Variants in CDK19 observed in about 807,000 individuals in gnomAD.
CDK19 encodes the protein cyclin dependent kinase 19.
In CDK19, 20 loss-of-function variants were observed where a neutral mutation model predicts 68.3. That is an observed-to-expected ratio of 0.29 (90% CI 0.21 to 0.43). The LOEUF (loss-of-function observed/expected upper bound fraction) is 0.43. CDK19 is among the 20% of genes least tolerant of loss of function. The pLI is 1.00. For missense variants in CDK19, 339 were observed against 623.5 expected (o/e 0.54, Z 4.86); for synonymous variants, 221 against 222.8 (o/e 0.99, Z 0.07).
intron 1 of CDK19, among the ~76,000 whole-genome samples, chr6:110,770,402 G>A (rs757153710): frequency 6.6e-6 from 1 of 152,134 alleles, no homozygotes; most frequent in Non-Finnish European, 1.5e-5. Context: ...AAAATGAGAA[G>A]GATGCAAAAG....
chr6:110,701,389 A>C (rs1365613057), intron 2 of CDK19, among the ~76,000 whole-genome samples: 1 of 148,616 alleles, frequency 6.7e-6, no homozygotes, highest in Non-Finnish European at 1.5e-5. Flanking sequence ...AAAAATACAA[A>C]AAAAAAAAAA....
intron 2 of CDK19, among the ~76,000 whole-genome samples, chr6:110,697,203 C>T (rs1483691584): frequency 6.6e-6 from 1 of 151,572 alleles, no homozygotes; most frequent in Non-Finnish European, 1.5e-5. Context: ...GCACTCCAGC[C>T]CGGGCAACAA....
At chr6:110,709,055 A>G (rs1213244950) in intron 2 of CDK19, among the ~76,000 whole-genome samples, 1 of 152,220 alleles carries the variant, frequency 6.6e-6, no homozygotes, top group Non-Finnish European at 1.5e-5. Context: ...AATCTATCAC[A>G]TAAACAGAAC....
At chr6:110,637,535 G>A (rs1779857964) in intron 5 of CDK19, among the ~76,000 whole-genome samples, 1 of 152,186 alleles carries the variant, frequency 6.6e-6, no homozygotes, top group African/African-American at 2.4e-5. Flanking sequence ...TTGAAATAGG[G>A]CAGCATGAAT....
Position 110,641,646 on chromosome 6 carries a change from A to AAGAAAGGAAGGAAGG in CDK19, c.457-2941_457-2940insCCTTCCTTCCTTTCT, listed in dbSNP as rs1780186278. On this transcript the variant is annotated intron_variant, in intron 4 of 12. Transcript: ENST00000368911. ...GGAGAGGAAAGGAGGAAAGGGAAAG[A>AAGAAAGGAAGGAAGG]AAGGAAGGAAGGAAGGAAGGAAGGA... Among the ~76,000 whole-genome samples, 93 of 131,460 alleles carry AAGAAAGGAAGGAAGG rather than the reference A, an allele frequency of 7.1e-4. 1 individual carries two copies. The highest frequency in any genetic ancestry group is 2.7e-3 in the African/African-American group (90 of 33,252). The allele number at this position is 131,460 out of a possible 152,430, so 86.2% of individuals were successfully genotyped here.
intron 1 of CDK19, among the ~76,000 whole-genome samples, chr6:110,787,365 CTCTG>C (rs1260087905): frequency 7.0e-6 from 1 of 142,458 alleles, no homozygotes. Flanking sequence ...CAGAGCAAGG[CTCTG>C]TCTAAAACAA....
intron 2 of CDK19, 175 bp from the exon 3 acceptor site, chr6:110,670,716 C>G (rs926747998): frequency 3.0e-6 from 2 of 656,096 alleles, no homozygotes; most frequent in Non-Finnish European, 5.5e-6. Context: ...CTGTCAATAT[C>G]TTGGTGCATA....
chr6:110,761,721 T>A (rs1396089237), intron 1 of CDK19, among the ~76,000 whole-genome samples: 2 of 152,160 alleles, frequency 1.3e-5, no homozygotes, highest in Non-Finnish European at 2.9e-5. Flanking sequence ...TGTTTTTCAT[T>A]TAAATTTCAC....
intron 4 of CDK19, among the ~76,000 whole-genome samples, chr6:110,640,232 A>C (rs1780054719): frequency 3.3e-5 from 1 of 29,976 alleles, no homozygotes; most frequent in African/African-American, 2.6e-4. Context: ...ACCCTGTCAC[A>C]AAAAAAAAAA....
chr6:110,808,066 A>G (rs1484564508), intron 1 of CDK19, among the ~76,000 whole-genome samples: 2 of 152,156 alleles, frequency 1.3e-5, no homozygotes, highest in African/African-American at 4.8e-5. Context: ...AAAAGACATA[A>G]CAGTTTTCCT....
intron 8 of CDK19, among the ~76,000 whole-genome samples, chr6:110,626,074 C>G (rs936477719): frequency 6.6e-6 from 1 of 152,164 alleles, no homozygotes; most frequent in African/African-American, 2.4e-5. Context: ...TCCAGGTTTC[C>G]TAGTCCAGCA....
chr6:110,777,508 C>T lies in CDK19; in HGVS notation c.129-31307G>A, dbSNP rs547253958. Among the ~76,000 whole-genome samples the T allele has an allele frequency of 2.0e-5, 3 of 152,100 alleles. No individual in the cohort carries two copies. The East Asian group carries it at 5.8e-4, about 29-fold the overall frequency. ...ATAAAATAAGAAGGGTTGGTGAGGACGTAGAAAAACTGGAATCCTTGTGTA... is the reference window on the plus strand; with the variant it reads ...ATAAAATAAGAAGGGTTGGTGAGGATGTAGAAAAACTGGAATCCTTGTGTA... On this transcript the variant is annotated intron_variant, in intron 1 of 12. Coordinates refer to ENST00000368911, the MANE Select transcript of CDK19 (RefSeq NM_015076.5).
intron 4 of CDK19, chr6:110,646,040 C>T (rs2114823627): frequency 1.1e-6 from 1 of 918,588 alleles, no homozygotes; most frequent in East Asian, 2.6e-5. Context: ...GTGCCATCTA[C>T]GAAGCTATCC....
At chr6:110,666,629 A>G (rs561235498) in intron 4 of CDK19, among the ~76,000 whole-genome samples, 2 of 152,150 alleles carry the variant, frequency 1.3e-5, no homozygotes, top group East Asian at 3.9e-4. Flanking sequence ...ACTGCTCATC[A>G]GTTAATAAAA....
chr6:110,709,670 T>C (rs1192532535), intron 2 of CDK19, among the ~76,000 whole-genome samples: 1 of 152,164 alleles, frequency 6.6e-6, no homozygotes, highest in Non-Finnish European at 1.5e-5. Flanking sequence ...AAAAATGTAT[T>C]TTCCATTTAC....
chr6:110,646,227 G>T, intron 4 of CDK19: 4 of 1,466,838 alleles, frequency 2.7e-6, no homozygotes, highest in Middle Eastern at 2.2e-4. Context: ...CGACGCGCAG[G>T]AGCTGCTGGC....
At chr6:110,796,291 T>C (rs1036385107) in intron 1 of CDK19, among the ~76,000 whole-genome samples, 306 of 152,032 alleles carry the variant, frequency 2.0e-3, no homozygotes, top group African/African-American at 7.1e-3. Context: ...GAGCCAAGAT[T>C]GTGCCACTGC....
At chr6:110,814,915 G>A (rs756483736) in intron 1 of CDK19, 94 bp downstream of exon 1, 26 of 1,545,978 alleles carry the variant, frequency 1.7e-5, no homozygotes, top group South Asian at 5.7e-5. Flanking sequence ...CGCCCCTCGG[G>A]CACGGCCCGA....
chr6:110,795,754 AACTT>A (rs895505352), intron 1 of CDK19, among the ~76,000 whole-genome samples: 3 of 152,180 alleles, frequency 2.0e-5, no homozygotes, highest in African/African-American at 2.4e-5. Flanking sequence ...TATTAGGAAA[AACTT>A]AAATGTTCAA....
Sources: allele counts gnomAD v4.1 joint callset (sites outside exome capture counted in the v4.1 genomes callset), GRCh38; gene constraint gnomAD v4.1.1; transcripts MANE v1.5; gene names NCBI Gene and HGNC (gene_info 2026-07-23, HGNC 2026-07-21).